CSMD1: variants seen among roughly 807,000 people sequenced by gnomAD.
CSMD1 encodes CUB and sushi domain-containing protein 1.
CSMD1 carries 213 observed loss-of-function variants against 417.5 expected under a neutral mutation model. The observed-to-expected ratio is 0.51, with a 90% CI of 0.46 to 0.57. The LOEUF is 0.57. Ranked by LOEUF, CSMD1 falls within the 20% of genes least tolerant of loss-of-function variation. The pLI is 0.00. For missense variants in CSMD1, 6,923 were observed against 4,529.7 expected, an observed-to-expected ratio of 1.53 and a Z score of -15.17; for synonymous variants, 2,862 against 1,736.8, an observed-to-expected ratio of 1.65 and a Z score of -16.11.
intron 3 of CSMD1, among the ~76,000 whole-genome samples, chr8:4,222,302 C>G (rs1160255960): frequency 3.3e-5 from 5 of 152,002 alleles, no homozygotes; most frequent in Admixed American, 2.6e-4. Context: ...AATTTTTAGG[C>G]AATTTGGAAA....
At chr8:3,090,137 A>G (rs1585321181) in intron 48 of CSMD1, among the ~76,000 whole-genome samples, 1 of 151,780 alleles carries the variant, frequency 6.6e-6, no homozygotes, top group African/African-American at 2.4e-5. Context: ...ACACGGTGAA[A>G]CCCCGACTCT....
intron 2 of CSMD1, among the ~76,000 whole-genome samples, chr8:4,628,431 CAT>C (rs1253944787): frequency 2.8e-5 from 2 of 70,226 alleles, no homozygotes; most frequent in African/African-American, 4.2e-5. Flanking sequence ...TATATATACA[CAT>C]ATACACATAT....
chr8:4,420,904 C>A (rs970306684), intron 2 of CSMD1, among the ~76,000 whole-genome samples: 3 of 152,136 alleles, frequency 2.0e-5, no homozygotes, highest in Non-Finnish European at 2.9e-5. Context: ...CTCCTAGGAG[C>A]CCTCCTCCCT....
intron 5 of CSMD1, among the ~76,000 whole-genome samples, chr8:3,799,784 T>A (rs555013115): frequency 5.9e-5 from 9 of 152,246 alleles, no homozygotes; most frequent in Non-Finnish European, 1.2e-4. Context: ...AATTTTCATA[T>A]CTATGAAATT....
At chr8:4,291,872 C>A (rs537916329) in intron 3 of CSMD1, among the ~76,000 whole-genome samples, 1 of 152,242 alleles carries the variant, frequency 6.6e-6, no homozygotes, top group Admixed American at 6.5e-5. Context: ...TTAGAAGTTT[C>A]CTTTCAGGTG....
chr8:3,432,920 C>A (rs1249790580), intron 12 of CSMD1, among the ~76,000 whole-genome samples: 2 of 152,094 alleles, frequency 1.3e-5, no homozygotes, highest in African/African-American at 4.8e-5. Context: ...TACATTTCTT[C>A]TAATCATTGA....
chr8:4,081,612 T>A lies in CSMD1; in HGVS notation c.416-49513A>T, dbSNP rs998043491. Among the ~76,000 whole-genome samples, 12 of 152,244 alleles carry A rather than the reference T, an allele frequency of 7.9e-5. No homozygotes were observed. The East Asian group carries it at 2.3e-3, about 29-fold the overall frequency. ...CCCAACCACTGCAGAATACATAAAT[T>A]TTTTGAAGGACAAATGGAGATATGG... On this transcript the variant is annotated intron_variant, in intron 3 of 69. Transcript: ENST00000635120.
At chr8:4,926,351 C>G (rs1016333414) in intron 1 of CSMD1, among the ~76,000 whole-genome samples, 1 of 152,174 alleles carries the variant, frequency 6.6e-6, no homozygotes, top group South Asian at 2.1e-4. Flanking sequence ...TTTGCTCTGA[C>G]CCCACCATGA....
At position 3,160,279 on chromosome 8, in the gene CSMD1, T is replaced by C. The variant is rs569552717; in HGVS notation, c.5844+1880A>G. 3.3e-5 allele frequency among the ~76,000 whole-genome samples: 5 copies of C among 152,232 alleles called. No individual in the cohort carries two copies. The East Asian group carries it at 5.8e-4, about 18-fold the overall frequency. ...CTGGGACTAAAGGAATGCGCCGCCATGCCCAGCTCATTTTTGTATTTTTTG... is the reference window on the plus strand; with the variant it reads ...CTGGGACTAAAGGAATGCGCCGCCACGCCCAGCTCATTTTTGTATTTTTTG... On this transcript the variant is annotated intron_variant, in intron 38 of 69. Coordinates refer to ENST00000635120, the MANE Select transcript of CSMD1 (RefSeq NM_033225.6).
At chr8:4,812,729 C>G (rs569458366) in intron 1 of CSMD1, among the ~76,000 whole-genome samples, 1 of 152,110 alleles carries the variant, frequency 6.6e-6, no homozygotes, top group Non-Finnish European at 1.5e-5. Flanking sequence ...AAAGAAATTG[C>G]CTTTCTTCAC....
chr8:4,515,542 T>C (rs1456185162), intron 2 of CSMD1, among the ~76,000 whole-genome samples: 3 of 152,176 alleles, frequency 2.0e-5, no homozygotes, highest in African/African-American at 4.8e-5. Flanking sequence ...TTATTCAAAA[T>C]TGAGTAAGGA....
intron 23 of CSMD1, among the ~76,000 whole-genome samples, chr8:3,324,495 C>T (rs773309675): frequency 9.3e-5 from 14 of 149,848 alleles, no homozygotes; most frequent in Admixed American, 3.3e-4. Context: ...AAAATAGACA[C>T]ACATTCAACC....
chr8:3,829,530 T>C (rs934103195), intron 5 of CSMD1, among the ~76,000 whole-genome samples: 9 of 152,120 alleles, frequency 5.9e-5, no homozygotes, highest in Non-Finnish European at 1.2e-4. Flanking sequence ...CAGAACATGA[T>C]TACATGAGTT....
chr8:4,016,623 G>C (rs1338384258), intron 4 of CSMD1, among the ~76,000 whole-genome samples: 1 of 152,200 alleles, frequency 6.6e-6, no homozygotes, highest in Non-Finnish European at 1.5e-5. Context: ...TTTGGGTGAA[G>C]AGATGACTCT....
At chr8:3,110,884 C>T (rs1816471476) in intron 42 of CSMD1, among the ~76,000 whole-genome samples, 1 of 152,162 alleles carries the variant, frequency 6.6e-6, no homozygotes, top group African/African-American at 2.4e-5. Flanking sequence ...CCAGTTTTTA[C>T]TAGTGTTCAA....
In CSMD1 at chr8:3,520,012, G is replaced by GTGTATACATATATATATATATA. The variant is rs1225105460; in HGVS notation, c.1345-26287_1345-26286insTATATATATATATATGTATACA. On this transcript the variant is annotated intron_variant, in intron 10 of 69. Coordinates refer to ENST00000635120, the MANE Select transcript of CSMD1 (RefSeq NM_033225.6). ...TGTGTGCATATATATGTGTGTGTGT[G>GTGTATACATATATATATATATA]TATATACCTATATATATATATATAT... 5.3e-4 allele frequency among the ~76,000 whole-genome samples: 64 copies of GTGTATACATATATATATATATA among 120,108 alleles called. 1 individual carries two copies. Among genetic ancestry groups the GTGTATACATATATATATATATA allele is most frequent in the East Asian group, 1.6e-3 (7 of 4,308 alleles). 78.8% of individuals were successfully genotyped at this position (120,108 alleles called of 152,430 possible). A position where few individuals can be genotyped will look rare whatever the true frequency, so the allele number is the denominator to read the frequency against.
chr8:3,751,889 T>C (rs1797360516), intron 6 of CSMD1, among the ~76,000 whole-genome samples: 1 of 152,234 alleles, frequency 6.6e-6, no homozygotes. Context: ...ATTTACATTT[T>C]AGAGACAAAT....
chr8:3,863,917 A>G (rs1804902997), intron 5 of CSMD1, among the ~76,000 whole-genome samples: 1 of 152,202 alleles, frequency 6.6e-6, no homozygotes, highest in African/African-American at 2.4e-5. Flanking sequence ...TATCCTTTAG[A>G]AGCTTATGGA....
intron 30 of CSMD1, among the ~76,000 whole-genome samples, chr8:3,206,285 A>C (rs1356344315): frequency 9.6e-6 from 1 of 103,866 alleles, no homozygotes; most frequent in East Asian, 3.3e-4. Context: ...CTCTGTGTGT[A>C]TGTGTGTGTG....
Sources: gnomAD v4.1 joint callset for allele counts (sites outside exome capture counted in the v4.1 genomes callset) on GRCh38, gnomAD v4.1.1 for gene constraint, MANE v1.5 for transcripts, NCBI Gene and HGNC (gene_info 2026-07-23, HGNC 2026-07-21) for gene names.